The following SYN1 variants were observed in gnomAD, a reference collection of about 807,000 sequenced individuals.
SYN1 encodes the protein synapsin-1.
In SYN1, 8 loss-of-function variants were observed where a neutral mutation model predicts 44.6. The ratio of observed to expected loss-of-function variants is 0.18; its 90% CI spans 0.11 to 0.32. The LOEUF is 0.32. SYN1 is among the 10% of genes least tolerant of loss of function. The probability of loss-of-function intolerance (pLI) is 1.00; values close to 1 mark genes in which losing one functional copy is unlikely to be tolerated. For synonymous variants in SYN1, 275 were observed against 280.1 expected, an observed-to-expected ratio of 0.98 and a Z score of 0.18; for missense variants, 451 against 639.4, an observed-to-expected ratio of 0.71 and a Z score of 3.18.
At chrX:47,590,619 C>T (rs748354514) in intron 5 of SYN1, among the ~76,000 whole-genome samples, 1 of 111,422 alleles carries the variant, frequency 9.0e-6, no homozygotes, top group Non-Finnish European at 1.9e-5. Context: ...CTGCACTCTG[C>T]GAGATGGGGG....
chrX:47,613,025 C>T (rs955274984), intron 1 of SYN1, among the ~76,000 whole-genome samples: 3 of 105,744 alleles, frequency 2.8e-5, no homozygotes, highest in Middle Eastern at 5.2e-3. Context: ...CCCAGCTACT[C>T]GGGAGGCTGA....
At position 47,616,731 on chromosome X, in the gene SYN1, A is replaced by G. The variant is rs145459429; in HGVS notation, c.377+2621T>C. ...GTGGCTGTTTGAAAATAATACAGTA[A>G]GAGATTAATAAGTGTTTTCTGGACT... On this transcript the variant is annotated intron_variant, in intron 1 of 12. Transcript: ENST00000295987. Among the ~76,000 whole-genome samples, 685 of 112,092 alleles carry G rather than the reference A, an allele frequency of 6.1e-3. 1 individual carries two copies. In the Middle Eastern group the frequency reaches 0.069, roughly 11 times the overall value.
At chrX:47,575,315 C>G in intron 9 of SYN1, 41 bp from the exon 10 acceptor site, 1 of 1,198,490 alleles carries the variant, frequency 8.3e-7, no homozygotes, top group Non-Finnish European at 1.1e-6. Flanking sequence ...AGGCAGGCCT[C>G]GCACCTGAGG....
intron 5 of SYN1, among the ~76,000 whole-genome samples, chrX:47,595,144 G>A (rs184365619): frequency 4.2e-4 from 47 of 112,075 alleles, no homozygotes; most frequent in South Asian, 7.3e-4. Context: ...GGTTCCTGGA[G>A]GGTGGCTACC....
At chrX:47,605,416 C>T (rs200737604) in intron 3 of SYN1, 37 bp from the exon 4 acceptor site, 2 of 1,199,374 alleles carry the variant, frequency 1.7e-6, no homozygotes, top group East Asian at 3.0e-5. Context: ...AGAGTTCCCC[C>T]AGAAGCTCCC....
At chrX:47,611,617 A>G (rs1337362773) in intron 1 of SYN1, among the ~76,000 whole-genome samples, 5 of 111,854 alleles carry the variant, frequency 4.5e-5, no homozygotes, top group African/African-American at 1.6e-4. Flanking sequence ...ACCTGGTGTC[A>G]TAATATAGTC....
In SYN1 at chrX:47,574,013, G is replaced by T; in HGVS notation, c.1971C>A (p.His657Gln). Residue 657 changes from histidine to glutamine, a missense_variant, in exon 12 of 13, where the codon CAC (histidine) becomes CAA (glutamine). His to Gln is a conservative substitution (Grantham distance 24). Transcript: ENST00000295987. ...PATAAAGGPP[H>Q]PQLNKSQSLT... ...AGGGGTCCCCTTACTTGAGCTGGGG[G>T]TGCGGAGGTCCCCCTGCAGCGGCGG... is the stretch of plus-strand genomic sequence containing the variant. 8.7e-7 allele frequency: 1 copy of T among 1,145,449 alleles called. No individual in the cohort carries two copies. Among genetic ancestry groups the T allele is most frequent in the Non-Finnish European group, 1.2e-6 (1 of 867,736 alleles). 94.4% of individuals were successfully genotyped at this position (1,145,449 alleles called of 1,213,427 possible).
chrX:47,607,110 C>T (rs770779001), intron 2 of SYN1, 31 bp downstream of exon 2: 1 of 1,206,433 alleles, frequency 8.3e-7, no homozygotes. Flanking sequence ...GTATGGACAA[C>T]TGACCCCCAG....
intron 1 of SYN1, among the ~76,000 whole-genome samples, chrX:47,608,692 C>T (rs373402823): frequency 5.3e-4 from 58 of 109,585 alleles, no homozygotes; most frequent in African/African-American, 1.8e-3. Context: ...ATGTCATTGT[C>T]CCCGGGCCCG....
In SYN1 at chrX:47,574,287, T is replaced by G; in HGVS notation, c.1697A>C (p.Gln566Pro). Residue 566 changes from glutamine (Q) to proline (P), a missense_variant, in exon 12 of 13, where the codon CAG (glutamine) becomes CCG (proline). Physicochemically the swap from Gln to Pro is moderately conservative, Grantham distance 76. Around this residue, in one of 3 missense-constraint regions of SYN1, gnomAD observed 127 missense variants for 154.8 expected, o/e 0.82. Coordinates refer to ENST00000295987, the MANE Select transcript of SYN1 (RefSeq NM_006950.3). ...CGGAGCCGGGCCAGAGACGGATGTC[T>G]GACGGGTAGCCTGTGGGGGGCCCGC... ...RQAGPPQATR[Q>P]TSVSGPAPPK... 3 of 1,102,265 alleles carry G rather than the reference T, an allele frequency of 2.7e-6. No homozygotes were observed. The highest frequency in any genetic ancestry group is 3.5e-6 in the Non-Finnish European group (3 of 848,173). 90.8% of individuals were successfully genotyped at this position (1,102,265 alleles called of 1,213,427 possible).
rs966028468 is a variant in SYN1, at chrX:47,603,768, G to A, written c.774+1210C>T. On this transcript the variant is annotated intron_variant, in intron 5 of 12. Coordinates refer to ENST00000295987, the MANE Select transcript of SYN1 (RefSeq NM_006950.3). ...TGTAATAACAGCAATAATCTTTGAT[G>A]CTATTAGTAATGATTATTCAATTTC... Among the ~76,000 whole-genome samples the A allele has an allele frequency of 3.6e-5, 4 of 109,721 alleles. No individual in the cohort carries two copies. The East Asian group carries it at 1.1e-3, about 31-fold the overall frequency.
At chrX:47,580,762 G>C (rs111947105) in intron 5 of SYN1, among the ~76,000 whole-genome samples, 30,997 of 109,284 alleles carry the variant, frequency 0.28, 3,560 homozygotes, top group South Asian at 0.45. Flanking sequence ...TGAAACCCCC[G>C]TCTCTACTAA....
intron 3 of SYN1, among the ~76,000 whole-genome samples, chrX:47,606,015 C>A (rs1250378879): frequency 9.1e-6 from 1 of 110,101 alleles, no homozygotes; most frequent in Non-Finnish European, 1.9e-5. Flanking sequence ...GCCTCAGCCT[C>A]CCGAGTAGCT....
chrX:47,601,841 G>A (rs2057880676), intron 5 of SYN1, among the ~76,000 whole-genome samples: 1 of 112,160 alleles, frequency 8.9e-6, no homozygotes, highest in South Asian at 3.7e-4. Flanking sequence ...TTTAGCCTAG[G>A]AATGCAAATG....
rs1358263114 is a variant in SYN1, at chrX:47,595,946, C to CG, written c.774+9031_774+9032insC. On this transcript the variant is annotated intron_variant, in intron 5 of 12. Coordinates refer to ENST00000295987, the MANE Select transcript of SYN1 (RefSeq NM_006950.3). Reference sequence around the variant, plus strand: ...TGACCAAGGTTTACAATTCAGAAAGCATTTTTTCAAGAAAATGGCTGAATC... The same window carrying CG: ...TGACCAAGGTTTACAATTCAGAAAGCGATTTTTTCAAGAAAATGGCTGAATC... 1.3e-4 allele frequency among the ~76,000 whole-genome samples: 15 copies of CG among 112,300 alleles called. No individual in the cohort carries two copies. The East Asian group carries it at 4.1e-3, about 31-fold the overall frequency.
chrX:47,594,877 G>A (rs2147923730), intron 5 of SYN1, among the ~76,000 whole-genome samples: 1 of 110,961 alleles, frequency 9.0e-6, no homozygotes, highest in African/African-American at 3.3e-5. Context: ...ACAGGCATGC[G>A]CCACTGCCCC....
intron 9 of SYN1, among the ~76,000 whole-genome samples, 171 bp from the exon 10 acceptor site, chrX:47,575,445 A>G (rs1424242338): frequency 8.9e-6 from 1 of 112,706 alleles, no homozygotes; most frequent in Non-Finnish European, 1.9e-5. Context: ...CTTACAGCTT[A>G]GAAGGTGCTT....
At chrX:47,589,313 G>C (rs1331311771) in intron 5 of SYN1, among the ~76,000 whole-genome samples, 1 of 95,667 alleles carries the variant, frequency 1.0e-5, no homozygotes, top group Non-Finnish European at 2.1e-5. Flanking sequence ...AAAAAAAAAG[G>C]CCGGGCATGG....
At chrX:47,615,871 G>A (rs2057929838) in intron 1 of SYN1, among the ~76,000 whole-genome samples, 1 of 109,077 alleles carries the variant, frequency 9.2e-6, no homozygotes, top group African/African-American at 3.3e-5. Flanking sequence ...CAGCCTGGGC[G>A]ACAGAGCAAG....
Sources: allele counts gnomAD v4.1 joint callset (sites outside exome capture counted in the v4.1 genomes callset), GRCh38; gene constraint gnomAD v4.1.1; regional missense constraint gnomAD v4.1.1; transcripts MANE v1.5; gene names NCBI Gene and HGNC (gene_info 2026-07-23, HGNC 2026-07-21).